Variants in TAFA2 observed in about 807,000 individuals in gnomAD.
TAFA2 encodes TAFA chemokine like family member 2, also known as chemokine-like protein TAFA-2.
A neutral mutation model predicts 18.8 loss-of-function variants in TAFA2; 7 were observed. The ratio of observed to expected loss-of-function variants is 0.37; its 90% CI spans 0.21 to 0.70. TAFA2 has a LOEUF of 0.70. Among genes scored for constraint, TAFA2 ranks in the 30% least tolerant of loss-of-function variants. The pLI, the probability that TAFA2 is intolerant of heterozygous loss-of-function variation, is 0.53. For missense variants in TAFA2, 122 were observed against 158.1 expected (o/e 0.77, Z 1.23); for synonymous variants, 60 against 54.2 (o/e 1.11, Z -0.47).
intron 4 of TAFA2, among the ~76,000 whole-genome samples, chr12:61,722,915 T>C (rs1869972707): frequency 6.6e-6 from 1 of 152,100 alleles, no homozygotes; most frequent in Non-Finnish European, 1.5e-5. Context: ...TATAATACTA[T>C]CCTATTACAG....
At chr12:61,998,330 T>C (rs1170747015) in intron 1 of TAFA2, among the ~76,000 whole-genome samples, 1 of 152,188 alleles carries the variant, frequency 6.6e-6, no homozygotes, top group Non-Finnish European at 1.5e-5. Context: ...AAAACTTTAT[T>C]TTTAAACACC....
intron 1 of TAFA2, among the ~76,000 whole-genome samples, chr12:61,912,927 T>C (rs1565678968): frequency 6.6e-6 from 1 of 152,150 alleles, no homozygotes. Flanking sequence ...TAGGTCTGGG[T>C]CATAGAGTTA....
intron 1 of TAFA2, among the ~76,000 whole-genome samples, chr12:62,206,093 C>A (rs996170473): frequency 2.6e-5 from 4 of 152,118 alleles, no homozygotes; most frequent in African/African-American, 9.7e-5. Context: ...CCTCATTTGC[C>A]GGTGCAGGAG....
At chr12:62,072,814 G>T (rs1052543280) in intron 1 of TAFA2, among the ~76,000 whole-genome samples, 8 of 152,038 alleles carry the variant, frequency 5.3e-5, no homozygotes, top group African/African-American at 1.9e-4. Flanking sequence ...CCATTCCAAA[G>T]ATCAAAATAC....
chr12:62,137,059 G>C (rs1870924604), intron 1 of TAFA2, among the ~76,000 whole-genome samples: 1 of 152,016 alleles, frequency 6.6e-6, no homozygotes, highest in Admixed American at 6.6e-5. Flanking sequence ...GAAGCTTACA[G>C]GGAGAAAAAA....
rs1450541689 is a variant in TAFA2, at chr12:61,884,669, T to A, written c.-1-17243A>T. Reference sequence around the variant, plus strand: ...AAGACCTTCACTATACATTTATGAATCACTATGGTACTCCATATAAATACA... The same window carrying A: ...AAGACCTTCACTATACATTTATGAAACACTATGGTACTCCATATAAATACA... On this transcript the variant is annotated intron_variant, in intron 1 of 4. Coordinates refer to ENST00000416284, the MANE Select transcript of TAFA2 (RefSeq NM_178539.5). 3.9e-5 allele frequency among the ~76,000 whole-genome samples: 6 copies of A among 152,242 alleles called. No individual in the cohort carries two copies. In the East Asian group the frequency reaches 1.2e-3, roughly 29 times the overall value.
intron 1 of TAFA2, among the ~76,000 whole-genome samples, chr12:62,151,504 T>C (rs1490967381): frequency 6.6e-6 from 1 of 152,244 alleles, no homozygotes; most frequent in Non-Finnish European, 1.5e-5. Flanking sequence ...ATATGGTTCA[T>C]TTGCAGTAGC....
intron 1 of TAFA2, among the ~76,000 whole-genome samples, chr12:62,071,283 G>A (rs985697284): frequency 1.3e-5 from 2 of 152,200 alleles, no homozygotes; most frequent in Non-Finnish European, 2.9e-5. Context: ...TCGGACCCGG[G>A]AAGGTCAGCA....
intron 2 of TAFA2, among the ~76,000 whole-genome samples, chr12:61,864,556 G>A (rs1026391149): frequency 3.3e-5 from 5 of 151,224 alleles, no homozygotes; most frequent in African/African-American, 9.7e-5. Flanking sequence ...GGCGGATCAC[G>A]AGGTCAGGAG....
At chr12:61,928,684 T>C (rs1034181093) in intron 1 of TAFA2, among the ~76,000 whole-genome samples, 2 of 152,304 alleles carry the variant, frequency 1.3e-5, no homozygotes, top group Admixed American at 6.5e-5. Context: ...CAAAGGATTA[T>C]AAATCATTCT....
chr12:62,163,246 G>C (rs1389300584), intron 1 of TAFA2, among the ~76,000 whole-genome samples: 2 of 152,070 alleles, frequency 1.3e-5, no homozygotes, highest in Admixed American at 1.3e-4. Context: ...TTCAGTACCA[G>C]GCTCCCTTTA....
chr12:61,834,592 TTTTGCTAAAGGGTCAACACA>T (rs1369709994), intron 2 of TAFA2, among the ~76,000 whole-genome samples: 4 of 151,894 alleles, frequency 2.6e-5, no homozygotes, highest in African/African-American at 4.8e-5. Flanking sequence ...TTGTACAATG[TTTTGCTAAAGGGTCAACACA>T]TGCTTTCCCA....
intron 2 of TAFA2, among the ~76,000 whole-genome samples, chr12:61,856,090 T>G (rs1175363045): frequency 6.6e-6 from 1 of 152,058 alleles, no homozygotes; most frequent in Non-Finnish European, 1.5e-5. Context: ...ATATGCATGT[T>G]TATTTTTTGA....
intron 4 of TAFA2, among the ~76,000 whole-genome samples, chr12:61,717,111 G>A (rs1270908773): frequency 6.6e-6 from 1 of 152,028 alleles, no homozygotes; most frequent in African/African-American, 2.4e-5. Flanking sequence ...TTCACTTTTT[G>A]TGTGCTAAAT....
intron 2 of TAFA2, among the ~76,000 whole-genome samples, chr12:61,849,082 G>A (rs1184342060): frequency 6.6e-6 from 1 of 152,072 alleles, no homozygotes; most frequent in Admixed American, 6.6e-5. Flanking sequence ...GACCTCAGGC[G>A]ATCCACCCTC....
At chr12:61,864,077 C>T (rs761851895) in intron 2 of TAFA2, among the ~76,000 whole-genome samples, 20 of 152,106 alleles carry the variant, frequency 1.3e-4, no homozygotes, top group Admixed American at 2.0e-4. Flanking sequence ...CAATAAATCA[C>T]GTAAACAAGA....
chr12:61,899,277 T>G (rs1875992793), intron 1 of TAFA2, among the ~76,000 whole-genome samples: 1 of 152,014 alleles, frequency 6.6e-6, no homozygotes, highest in Admixed American at 6.5e-5. Flanking sequence ...CCAAAGTCAC[T>G]TCCACATTTT....
intron 1 of TAFA2, among the ~76,000 whole-genome samples, chr12:62,097,204 A>G (rs1212367072): frequency 6.6e-6 from 1 of 152,194 alleles, no homozygotes; most frequent in Non-Finnish European, 1.5e-5. Flanking sequence ...GAGTAGACAG[A>G]TGTTAAACAA....
chr12:61,820,250 A>G (rs1872262441), intron 2 of TAFA2, among the ~76,000 whole-genome samples: 1 of 151,534 alleles, frequency 6.6e-6, no homozygotes, highest in South Asian at 2.1e-4. Context: ...TGGTGTGGGG[A>G]TGGAAGGGAG....
Sources: allele counts gnomAD v4.1 joint callset (sites outside exome capture counted in the v4.1 genomes callset), GRCh38; gene constraint gnomAD v4.1.1; transcripts MANE v1.5; gene names NCBI Gene and HGNC (gene_info 2026-07-23, HGNC 2026-07-21).